Variants in ERC2 observed in about 807,000 individuals in gnomAD.
ERC2 encodes ELKS/RAB6-interacting/CAST family member 2.
ERC2 carries 42 observed loss-of-function variants against 114.8 expected under a neutral mutation model. The ratio of observed to expected loss-of-function variants is 0.37; its 90% CI spans 0.29 to 0.47. The LOEUF (loss-of-function observed/expected upper bound fraction) is 0.47. Ranked by LOEUF, ERC2 falls within the 20% of genes least tolerant of loss-of-function variation. The pLI, the probability that ERC2 is intolerant of heterozygous loss-of-function variation, is 0.99. For missense variants in ERC2, 939 were observed against 1,150.7 expected, an observed-to-expected ratio of 0.82 and a Z score of 2.66; for synonymous variants, 454 against 425.5, an observed-to-expected ratio of 1.07 and a Z score of -0.82.
At chr3:56,393,057 C>G (rs2060185879) in intron 2 of ERC2, among the ~76,000 whole-genome samples, 1 of 152,170 alleles carries the variant, frequency 6.6e-6, no homozygotes, top group African/African-American at 2.4e-5. Context: ...TGTACTCCCA[C>G]CCTTCCCCAT....
At chr3:55,562,458 C>A (rs2056088989) in intron 17 of ERC2, among the ~76,000 whole-genome samples, 1 of 152,130 alleles carries the variant, frequency 6.6e-6, no homozygotes, top group African/African-American at 2.4e-5. Flanking sequence ...TGGCCCGCTG[C>A]CTTCTTTTTT....
rs1456767181 is a variant in ERC2 at position 56,434,492 on chromosome 3, G to A, written c.516C>T (p.Asp172=). 2 of 1,614,004 alleles carry A rather than the reference G, an allele frequency of 1.2e-6. No homozygotes were observed. The highest frequency in any genetic ancestry group is 8.5e-7 in the Non-Finnish European group (1 of 1,179,892). The part of the protein sequence containing the change: ...DLLRKELDIK[D]SKLGSSMNSI... ...TGTTCATGGAAGATCCCAATTTGCTGTCCTTGATGTCTAGCTCTTTCCGGA... is the reference window on the plus strand; with the variant it reads ...TGTTCATGGAAGATCCCAATTTGCTATCCTTGATGTCTAGCTCTTTCCGGA... The change falls in exon 2 of 18, where the codon GAC becomes GAT. Residue 172 remains aspartate, a synonymous_variant. Coordinates refer to ENST00000288221, the MANE Select transcript of ERC2 (RefSeq NM_015576.3).
chr3:55,708,800 A>G (rs1299752863), intron 15 of ERC2, among the ~76,000 whole-genome samples: 1 of 151,918 alleles, frequency 6.6e-6, no homozygotes, highest in Non-Finnish European at 1.5e-5. Flanking sequence ...AGAATGAAGG[A>G]GACTGGGAAT....
At chr3:55,549,121 G>A (rs2054966737) in intron 17 of ERC2, among the ~76,000 whole-genome samples, 1 of 152,108 alleles carries the variant, frequency 6.6e-6, no homozygotes, top group African/African-American at 2.4e-5. Flanking sequence ...ATTAAACAGA[G>A]AACTGAATTT....
intron 6 of ERC2, among the ~76,000 whole-genome samples, chr3:56,101,826 T>A (rs1472074242): frequency 6.6e-6 from 1 of 152,156 alleles, no homozygotes; most frequent in Admixed American, 6.5e-5. Flanking sequence ...ACTCAGAGCC[T>A]CAGAGGAGAA....
intron 2 of ERC2, among the ~76,000 whole-genome samples, chr3:56,344,683 C>G (rs559590491): frequency 6.6e-6 from 1 of 152,322 alleles, no homozygotes; most frequent in East Asian, 1.9e-4. Context: ...AATAAGGAAT[C>G]AGAATTGGAG....
intron 7 of ERC2, among the ~76,000 whole-genome samples, chr3:56,080,408 G>C (rs1177722586): frequency 6.6e-6 from 1 of 152,038 alleles, no homozygotes; most frequent in Non-Finnish European, 1.5e-5. Context: ...AAATCTATAT[G>C]GGCTTCACAG....
intron 3 of ERC2, among the ~76,000 whole-genome samples, chr3:56,213,109 T>C (rs2049184187): frequency 6.6e-6 from 1 of 152,164 alleles, no homozygotes. Flanking sequence ...GACGGGTGGT[T>C]ACTGCATTTC....
chr3:55,980,537 A>AGG (rs2149502132), intron 12 of ERC2, among the ~76,000 whole-genome samples: 1 of 152,344 alleles, frequency 6.6e-6, no homozygotes. Flanking sequence ...TCATAAGAAA[A>AGG]GCCATATAAA....
intron 6 of ERC2, among the ~76,000 whole-genome samples, chr3:56,113,893 G>GTTTCCC (rs2079093332): frequency 7.9e-5 from 12 of 152,180 alleles, no homozygotes; most frequent in Admixed American, 7.9e-4. Context: ...CATATCACTT[G>GTTTCCC]TGAATATAGG....
At chr3:55,615,591 G>T (rs529599854) in intron 17 of ERC2, among the ~76,000 whole-genome samples, 4 of 151,962 alleles carry the variant, frequency 2.6e-5, no homozygotes, top group Non-Finnish European at 5.9e-5. Context: ...TAGCATCCGC[G>T]AAATAAAGTA....
At chr3:55,685,419 T>A (rs1242678653) in intron 16 of ERC2, among the ~76,000 whole-genome samples, 1 of 152,224 alleles carries the variant, frequency 6.6e-6, no homozygotes, top group Non-Finnish European at 1.5e-5. Flanking sequence ...TATTAAACAG[T>A]CTAATAATTG....
chr3:55,808,682 ATAT>A (rs1470899198), intron 14 of ERC2, among the ~76,000 whole-genome samples: 5 of 138,196 alleles, frequency 3.6e-5, no homozygotes, highest in Non-Finnish European at 7.7e-5. Flanking sequence ...ACAAAATAAT[ATAT>A]TATTATACCA....
At chr3:55,736,577 T>C (rs955068317) in intron 14 of ERC2, among the ~76,000 whole-genome samples, 3 of 152,176 alleles carry the variant, frequency 2.0e-5, no homozygotes, top group Non-Finnish European at 4.4e-5. Context: ...CTCCATGAAA[T>C]TGGGACCTCA....
At chr3:56,311,897 C>T (rs1467640683) in intron 2 of ERC2, among the ~76,000 whole-genome samples, 1 of 149,650 alleles carries the variant, frequency 6.7e-6, no homozygotes, top group Non-Finnish European at 1.5e-5. Flanking sequence ...ATGCACAGGT[C>T]CTACATCTGA....
chr3:55,869,386 C>G (rs1283086765), intron 14 of ERC2, among the ~76,000 whole-genome samples: 1 of 152,192 alleles, frequency 6.6e-6, no homozygotes, highest in African/African-American at 2.4e-5. Flanking sequence ...ATACAAATGA[C>G]AGCTTTCAGC....
At chr3:56,119,266 T>C (rs1480838168) in intron 6 of ERC2, among the ~76,000 whole-genome samples, 1 of 152,184 alleles carries the variant, frequency 6.6e-6, no homozygotes, top group East Asian at 1.9e-4. Flanking sequence ...ACAAAGGAAA[T>C]CTTGTTAAAG....
chr3:56,358,441 G>A (rs2058825659), intron 2 of ERC2, among the ~76,000 whole-genome samples: 1 of 152,206 alleles, frequency 6.6e-6, no homozygotes, highest in African/African-American at 2.4e-5. Context: ...AATGCCTACA[G>A]AGGTGGTCTT....
At chr3:55,563,953 C>A (rs997656409) in intron 17 of ERC2, among the ~76,000 whole-genome samples, 9 of 152,220 alleles carry the variant, frequency 5.9e-5, no homozygotes, top group African/African-American at 2.2e-4. Context: ...CAGTTACCCA[C>A]AATATTTGCA....
Sources: allele counts gnomAD v4.1 joint callset (sites outside exome capture counted in the v4.1 genomes callset), GRCh38; gene constraint gnomAD v4.1.1; transcripts MANE v1.5; gene names NCBI Gene and HGNC (gene_info 2026-07-23, HGNC 2026-07-21).